The following TENM4 variants were observed in gnomAD, a reference collection of about 807,000 sequenced individuals.
TENM4 encodes teneurin transmembrane protein 4.
TENM4 carries 82 observed loss-of-function variants against 243.3 expected under a neutral mutation model. The observed-to-expected ratio is 0.34, with a 90% CI of 0.28 to 0.40. The LOEUF (loss-of-function observed/expected upper bound fraction) is 0.40. Among genes scored for constraint, TENM4 ranks in the 10% least tolerant of loss-of-function variants. TENM4 has a pLI of 1.00. For missense variants in TENM4, 3,138 were observed against 3,673.3 expected, an observed-to-expected ratio of 0.85 and a Z score of 3.77; for synonymous variants, 1,412 against 1,456.3, an observed-to-expected ratio of 0.97 and a Z score of 0.69.
chr11:78,902,219 G>A (rs896596898), intron 7 of TENM4, among the ~76,000 whole-genome samples: 1 of 152,172 alleles, frequency 6.6e-6, no homozygotes, highest in Non-Finnish European at 1.5e-5. Context: ...AGTCAACAGC[G>A]CTTATCTCAG....
At chr11:79,401,953 C>T (rs141013435) in intron 1 of TENM4, 19 of 310,748 alleles carry the variant, frequency 6.1e-5, no homozygotes, top group African/African-American at 1.9e-4. Flanking sequence ...TGGTGGTTGA[C>T]GCCATGGGGA....
At chr11:79,063,135 ACT>A (rs1036934355) in intron 6 of TENM4, among the ~76,000 whole-genome samples, 2 of 151,904 alleles carry the variant, frequency 1.3e-5, no homozygotes, top group Non-Finnish European at 2.9e-5. Flanking sequence ...CACCTTTGGA[ACT>A]CTGCCACATG....
intron 1 of TENM4, among the ~76,000 whole-genome samples, chr11:79,387,368 T>C (rs1309646360): frequency 6.6e-6 from 1 of 152,144 alleles, no homozygotes; most frequent in Non-Finnish European, 1.5e-5. Flanking sequence ...CACTTAGGAG[T>C]TGGGCAGTTT....
At chr11:78,850,314 C>A (rs943768810) in intron 12 of TENM4, among the ~76,000 whole-genome samples, 3 of 152,150 alleles carry the variant, frequency 2.0e-5, no homozygotes, top group Admixed American at 6.5e-5. Flanking sequence ...TACAAACAGA[C>A]ATAAATACTC....
intron 6 of TENM4, among the ~76,000 whole-genome samples, chr11:79,063,685 G>A (rs1431434504): frequency 1.3e-5 from 2 of 152,198 alleles, no homozygotes; most frequent in Non-Finnish European, 2.9e-5. Context: ...GACCACGTTC[G>A]ACTCAGAGCC....
intron 1 of TENM4, among the ~76,000 whole-genome samples, chr11:79,419,393 C>T (rs1858884092): frequency 6.6e-6 from 1 of 152,192 alleles, no homozygotes; most frequent in South Asian, 2.1e-4. Context: ...TCCCTTCCTC[C>T]ATGTTCCCAA....
chr11:78,863,276 G>T, intron 9 of TENM4, 144 bp from the exon 10 acceptor site: 1 of 937,934 alleles, frequency 1.1e-6, no homozygotes, highest in Non-Finnish European at 1.5e-6. Flanking sequence ...AGCTCTTGTA[G>T]TGCCAGCCCT....
chr11:78,739,087 A>C (rs1209301514), intron 19 of TENM4, among the ~76,000 whole-genome samples: 1 of 152,168 alleles, frequency 6.6e-6, no homozygotes, highest in African/African-American at 2.4e-5. Context: ...AGTGAGCAGG[A>C]GAGAAGGTAC....
intron 1 of TENM4, among the ~76,000 whole-genome samples, chr11:79,371,780 G>A (rs1857792170): frequency 6.6e-6 from 1 of 152,082 alleles, no homozygotes; most frequent in African/African-American, 2.4e-5. Flanking sequence ...AACCCCCTGG[G>A]GAATGCACAT....
At chr11:78,722,636 A>G in intron 24 of TENM4, 32 bp downstream of exon 24, 2 of 1,598,650 alleles carry the variant, frequency 1.3e-6, no homozygotes, top group Non-Finnish European at 1.7e-6. Flanking sequence ...GCATATTATT[A>G]GGAACTATGA....
At chr11:79,227,039 C>G (rs560104351) in intron 2 of TENM4, among the ~76,000 whole-genome samples, 2 of 152,154 alleles carry the variant, frequency 1.3e-5, no homozygotes, top group African/African-American at 4.8e-5. Context: ...GACTGGCTTC[C>G]GGGTAGGTTG....
At chr11:79,110,837 G>C (rs957765478) in intron 4 of TENM4, among the ~76,000 whole-genome samples, 1 of 152,070 alleles carries the variant, frequency 6.6e-6, no homozygotes, top group Non-Finnish European at 1.5e-5. Context: ...TGCTCTCCCC[G>C]GCTAACTTGG....
At position 79,215,914 on chromosome 11, in the gene TENM4, T is replaced by A. The variant is rs1445788460; in HGVS notation, c.-264-5A>T. ...GAGGATGGTGCGGGATCTTTTCTGT[T>A]GAAGCAGAGAACACAGATCCAACTG... On this transcript the variant is annotated splice_polypyrimidine_tract_variant and splice_region_variant and intron_variant, in intron 2 of 33. Transcript: ENST00000278550. 1.0e-6 allele frequency: 1 copy of A among 968,670 alleles called. No individual in the cohort carries two copies. Among genetic ancestry groups the A allele is most frequent in the Non-Finnish European group, 1.2e-6 (1 of 814,468 alleles). The allele number at this position is 968,670 out of a possible 1,614,324, so 60.0% of individuals were successfully genotyped here.
chr11:78,669,990 GCT>G lies in TENM4; in HGVS notation c.6353_6354del (p.Glu2118AlafsTer11). On this transcript the variant is annotated frameshift_variant, in exon 32 of 34. Coordinates refer to ENST00000278550, the MANE Select transcript of TENM4 (RefSeq NM_001098816.3). LOFTEE classifies it high-confidence loss of function. This position sits in a 1 kb window ranked among gnomAD's most constrained non-coding sequence, Gnocchi z 6.4. ...YRYDDVSGKTEQFGKFGVIYY... is the reference protein window; with the variant it reads ...YRYDDVSGKTXQFGKFGVIYY... Reference sequence around the variant, plus strand: ...TAAATGACACCAAACTTCCCAAACTGCTCTGTCTTGCCTGACACATCATCATA... The same window carrying G: ...TAAATGACACCAAACTTCCCAAACTGCTGTCTTGCCTGACACATCATCATA... The G allele has an allele frequency of 6.2e-7, 1 of 1,613,846 alleles. No individual in the cohort carries two copies. The highest frequency in any genetic ancestry group is 8.5e-7 in the Non-Finnish European group (1 of 1,179,870).
chr11:78,803,035 C>CTT (rs1203400554), intron 15 of TENM4, among the ~76,000 whole-genome samples: 1 of 144,064 alleles, frequency 6.9e-6, no homozygotes, highest in African/African-American at 2.5e-5. Context: ...TTTTTCTTTT[C>CTT]TTTTTTTTTT....
chr11:79,319,001 A>G (rs762256842), intron 1 of TENM4, among the ~76,000 whole-genome samples: 1 of 152,196 alleles, frequency 6.6e-6, no homozygotes, highest in Non-Finnish European at 1.5e-5. Context: ...TGCTGGTGGC[A>G]CTTCAGGGCC....
intron 2 of TENM4, among the ~76,000 whole-genome samples, chr11:79,220,024 G>A (rs762479409): frequency 1.3e-4 from 20 of 152,206 alleles, no homozygotes; most frequent in Non-Finnish European, 2.8e-4. Context: ...CGTGGTACCC[G>A]GAGCAGTGGA....
intron 12 of TENM4, among the ~76,000 whole-genome samples, chr11:78,834,195 T>C (rs1565398842): frequency 6.6e-6 from 1 of 152,228 alleles, no homozygotes; most frequent in Non-Finnish European, 1.5e-5. Flanking sequence ...CTTTCCTATT[T>C]CTAATGTCCA....
chr11:78,893,637 AC>A (rs1855716439), intron 7 of TENM4, among the ~76,000 whole-genome samples: 1 of 151,872 alleles, frequency 6.6e-6, no homozygotes, highest in Admixed American at 6.6e-5. Context: ...ATGAATCAGA[AC>A]CCTCCTGAAA....
Sources: allele counts gnomAD v4.1 joint callset (sites outside exome capture counted in the v4.1 genomes callset), GRCh38; gene constraint gnomAD v4.1.1; non-coding constraint Gnocchi (gnomAD v3.1); transcripts MANE v1.5; gene names NCBI Gene and HGNC (gene_info 2026-07-23, HGNC 2026-07-21).